The following CAMK2G variants were observed in gnomAD, a reference collection of about 807,000 sequenced individuals.
The protein encoded by CAMK2G is calcium/calmodulin-dependent protein kinase type II subunit gamma.
Under a neutral mutation model 88.7 loss-of-function variants are expected in CAMK2G, and 23 were observed. That is an observed-to-expected ratio of 0.26 (90% CI 0.19 to 0.37). CAMK2G has a LOEUF of 0.37. CAMK2G is among the 10% of genes least tolerant of loss of function. The pLI, the probability that CAMK2G is intolerant of heterozygous loss-of-function variation, is 1.00. For missense variants in CAMK2G, 476 were observed against 780.8 expected (o/e 0.61, Z 4.65); for synonymous variants, 263 against 294.8 (o/e 0.89, Z 1.11).
chr10:73,860,698 T>C (rs2095334069), intron 3 of CAMK2G, 132 bp downstream of exon 3: 1 of 726,206 alleles, frequency 1.4e-6, no homozygotes, highest in Non-Finnish European at 2.5e-6. Context: ...ACAGTTGCTA[T>C]CCTGCTCATG....
At chr10:73,819,949 A>G (rs1294707866) in intron 18 of CAMK2G, among the ~76,000 whole-genome samples, 2 of 152,342 alleles carry the variant, frequency 1.3e-5, no homozygotes, top group East Asian at 3.9e-4. Flanking sequence ...CCAGGGGGCC[A>G]GGCCACAGGG....
chr10:73,826,187 C>T (rs893405501), intron 15 of CAMK2G, among the ~76,000 whole-genome samples: 2 of 152,208 alleles, frequency 1.3e-5, no homozygotes, highest in South Asian at 4.1e-4. Context: ...AATCTCAGCA[C>T]TTTGGGAGGC....
intron 3 of CAMK2G, among the ~76,000 whole-genome samples, chr10:73,860,031 C>A (rs2095299843): frequency 6.6e-6 from 1 of 152,194 alleles, no homozygotes; most frequent in Non-Finnish European, 1.5e-5. Flanking sequence ...CAGGGAAAAC[C>A]TAGGAGATGC....
intron 10 of CAMK2G, among the ~76,000 whole-genome samples, chr10:73,845,389 T>C (rs2094155363): frequency 6.6e-6 from 1 of 152,026 alleles, no homozygotes; most frequent in Admixed American, 6.6e-5. Flanking sequence ...GAAACCATCC[T>C]GACTAACACG....
At chr10:73,843,453 C>T (rs939656468) in intron 10 of CAMK2G, among the ~76,000 whole-genome samples, 1 of 152,170 alleles carries the variant, frequency 6.6e-6, no homozygotes, top group African/African-American at 2.4e-5. Context: ...GTCTACACTT[C>T]CTCAATGACT....
intron 22 of CAMK2G, 108 bp from the exon 23 acceptor site, chr10:73,814,613 TG>T: frequency 5.0e-6 from 1 of 199,830 alleles, no homozygotes; most frequent in Non-Finnish European, 1.1e-5. Flanking sequence ...CCTGAGAAGG[TG>T]GGGAAAGTGG....
chr10:73,850,584 C>T (rs1338493510), intron 5 of CAMK2G, among the ~76,000 whole-genome samples: 8 of 152,218 alleles, frequency 5.3e-5, no homozygotes. Context: ...AAGTACCTGG[C>T]CTAAAACGTT....
chr10:73,815,000 C>T lies in CAMK2G; in HGVS notation c.*12+3G>A. 2 of 1,591,842 alleles carry T rather than the reference C, an allele frequency of 1.3e-6. No homozygotes were observed. The highest frequency in any genetic ancestry group is 1.7e-6 in the Non-Finnish European group (2 of 1,161,604). On this transcript the variant is annotated splice_donor_region_variant and intron_variant, in intron 22 of 22. Coordinates refer to ENST00000423381, the MANE Select transcript of CAMK2G (RefSeq NM_001367534.1). ...GCCCCTCTCCCCCGTCAACCAGGTG[C>T]ACCTGTGGCTGAGCTCACTGCAGCG... is the stretch of plus-strand genomic sequence containing the variant.
In CAMK2G at chr10:73,848,050, G is replaced by C; in HGVS notation, c.634C>G (p.Pro212Ala). The change falls in exon 9 of 23, where the codon CCT (proline) becomes GCT (alanine). Residue 212 changes from proline (P) to alanine (A), a missense_variant. Pro to Ala is a conservative substitution (Grantham distance 27). This residue lies in a region of CAMK2G where 164 missense variants were observed against 385.6 expected (regional missense o/e 0.43). Transcript: ENST00000423381. This position sits in a 1 kb window ranked among gnomAD's most constrained non-coding sequence, Gnocchi z 4.5. ...TGCTGATCCTCATCCCAGAAGGGAGGATAGCCCACCAGGAGGATATACAGG... is the reference window on the plus strand; with the variant it reads ...TGCTGATCCTCATCCCAGAAGGGAGCATAGCCCACCAGGAGGATATACAGG... Reference protein sequence around the residue: ...VILYILLVGYPPFWDEDQHKL... With the variant: ...VILYILLVGYAPFWDEDQHKL... The C allele has an allele frequency of 6.2e-7, 1 of 1,611,484 alleles. No homozygotes were observed. Among genetic ancestry groups the C allele is most frequent in the Non-Finnish European group, 8.5e-7 (1 of 1,177,678 alleles).
At chr10:73,850,980 C>A (rs550370408) in intron 5 of CAMK2G, among the ~76,000 whole-genome samples, 29 of 152,336 alleles carry the variant, frequency 1.9e-4, no homozygotes, top group Non-Finnish European at 2.9e-4. Context: ...AGTCACCCCC[C>A]CTCAGGGCCC....
At position 73,847,469 on chromosome 10, in the gene CAMK2G, G is replaced by A. The variant is rs1020051644; in HGVS notation, c.697-122C>T. The A allele has an allele frequency of 9.4e-6, 10 of 1,064,136 alleles. No individual in the cohort carries two copies. In the Middle Eastern group the frequency reaches 1.7e-3, roughly 179 times the overall value. 65.9% of individuals were successfully genotyped at this position (1,064,136 alleles called of 1,614,324 possible). ...CTCTGTGGTACCTAAAGCTGTGACT[G>A]GCAGAGTTGGAGAAGCCCTGCGGCT... On this transcript the variant is annotated intron_variant, in intron 9 of 22. Coordinates refer to ENST00000423381, the MANE Select transcript of CAMK2G (RefSeq NM_001367534.1).
chr10:73,837,594 A>G lies in CAMK2G; in HGVS notation c.1010-83T>C. ...AGTCCGGCAGCCAGATCCACAAGAG[A>G]GTGCTGTGTCTGACAAGGGGGCCAA... On this transcript the variant is annotated intron_variant, in intron 13 of 22. Coordinates refer to ENST00000423381, the MANE Select transcript of CAMK2G (RefSeq NM_001367534.1). 9 of 1,122,248 alleles carry G rather than the reference A, an allele frequency of 8.0e-6. No individual in the cohort carries two copies. In the South Asian group the frequency reaches 9.9e-5, roughly 12 times the overall value. The allele number at this position is 1,122,248 out of a possible 1,614,324, so 69.5% of individuals were successfully genotyped here.
intron 14 of CAMK2G, among the ~76,000 whole-genome samples, chr10:73,828,926 A>C (rs2091816238): frequency 6.6e-6 from 1 of 152,226 alleles, no homozygotes. Context: ...GGAACACTGA[A>C]AATATATCCC....
At chr10:73,872,149 C>A (rs753003697) in intron 2 of CAMK2G, among the ~76,000 whole-genome samples, 11 of 152,198 alleles carry the variant, frequency 7.2e-5, no homozygotes, top group Non-Finnish European at 1.2e-4. Context: ...GCTGGGTCTA[C>A]ACCTATCAGA....
chr10:73,825,148 A>G, intron 16 of CAMK2G, 131 bp downstream of exon 16: 4 of 732,908 alleles, frequency 5.5e-6, no homozygotes, highest in Non-Finnish European at 2.5e-6. Context: ...GGCGGCACAC[A>G]AAGCAGTCAG....
chr10:73,823,545 A>T (rs986711001), intron 17 of CAMK2G, among the ~76,000 whole-genome samples: 3 of 152,004 alleles, frequency 2.0e-5, no homozygotes, highest in Non-Finnish European at 4.4e-5. Flanking sequence ...TTGGTTTTTT[A>T]TCTGCCTCCC....
At chr10:73,869,836 G>A (rs537653859) in intron 2 of CAMK2G, among the ~76,000 whole-genome samples, 3 of 152,274 alleles carry the variant, frequency 2.0e-5, no homozygotes, top group South Asian at 4.1e-4. Context: ...CTCTTAGTAA[G>A]GCCAAGGGCA....
intron 13 of CAMK2G, among the ~76,000 whole-genome samples, chr10:73,838,603 C>A (rs901925361): frequency 6.6e-6 from 1 of 152,202 alleles, no homozygotes; most frequent in South Asian, 2.1e-4. Context: ...AAGCTGTGTT[C>A]CATCTCTCTC....
rs1209160305 is a variant in CAMK2G at position 73,860,740 on chromosome 10, CAG to C, written c.220+88_220+89del. ...CAGACACCAGGTGAAGGTCCACAGACAGAGGTGATCCCACACACAAAAGCAGT... is the reference window on the plus strand; with the variant it reads ...CAGACACCAGGTGAAGGTCCACAGACAGGTGATCCCACACACAAAAGCAGT... On this transcript the variant is annotated intron_variant, in intron 3 of 22. Coordinates refer to ENST00000423381, the MANE Select transcript of CAMK2G (RefSeq NM_001367534.1). The C allele has an allele frequency of 6.4e-6, 6 of 934,820 alleles. No individual in the cohort carries two copies. The Admixed American group carries it at 7.2e-5, about 11-fold the overall frequency. 57.9% of individuals were successfully genotyped at this position (934,820 alleles called of 1,614,324 possible).
Sources: gnomAD v4.1 joint callset for allele counts (sites outside exome capture counted in the v4.1 genomes callset) on GRCh38, gnomAD v4.1.1 for gene constraint, gnomAD v4.1.1 regional missense constraint, Gnocchi (gnomAD v3.1) non-coding constraint, MANE v1.5 for transcripts, NCBI Gene and HGNC (gene_info 2026-07-23, HGNC 2026-07-21) for gene names.